Variants in GPSM2 observed in about 807,000 individuals in gnomAD.
GPSM2 encodes the protein G protein-signaling modulator 2.
GPSM2 carries 58 observed loss-of-function variants against 78.4 expected under a neutral mutation model. That is an observed-to-expected ratio of 0.74 (90% CI 0.60 to 0.92). The LOEUF is 0.92. GPSM2 is among the 40% of genes least tolerant of loss of function. GPSM2 has a pLI of 0.00. For synonymous variants in GPSM2, 224 were observed against 280.2 expected (o/e 0.80, Z 2.00); for missense variants, 700 against 815.5 (o/e 0.86, Z 1.73).
intron 7 of GPSM2, among the ~76,000 whole-genome samples, chr1:108,899,348 T>G (rs1046264036): frequency 6.6e-6 from 1 of 152,242 alleles, no homozygotes; most frequent in Non-Finnish European, 1.5e-5. Flanking sequence ...ATATGTGGTG[T>G]ATATTGTGTA....
In GPSM2 at chr1:108,898,057, A is replaced by G; in HGVS notation, c.513A>G (p.Pro171=). ...GTCCCCAGGATGTAGGAGAATTTCC[A>G]GAAGAAGTGAGAGATGCTCTGCAGG... The part of the protein sequence containing the change: ...CPGPQDVGEF[P]EEVRDALQAA... The change falls in exon 5 of 15, where the codon CCA becomes CCG. Residue 171 remains proline (P), a synonymous_variant. Transcript: ENST00000264126. 1 of 1,613,504 alleles carries G rather than the reference A, an allele frequency of 6.2e-7. No homozygotes were observed. The highest frequency in any genetic ancestry group is 8.5e-7 in the Non-Finnish European group (1 of 1,179,828).
intron 1 of GPSM2, among the ~76,000 whole-genome samples, chr1:108,880,309 T>C (rs1334603924): frequency 6.6e-6 from 1 of 152,160 alleles, no homozygotes; most frequent in Non-Finnish European, 1.5e-5. Flanking sequence ...TTAAAATGTG[T>C]TTGGGTCAGG....
chr1:108,913,469 G>A (rs1019655189), intron 10 of GPSM2, among the ~76,000 whole-genome samples: 5 of 152,170 alleles, frequency 3.3e-5, no homozygotes, highest in African/African-American at 4.8e-5. Flanking sequence ...CAACTTGGAT[G>A]AATCTCACAA....
chr1:108,883,490 T>C (rs1289156003), intron 1 of GPSM2, among the ~76,000 whole-genome samples: 2 of 152,246 alleles, frequency 1.3e-5, no homozygotes, highest in African/African-American at 4.8e-5. Context: ...GATTAGCTGC[T>C]TTATGACCTA....
Position 108,930,495 on chromosome 1 carries a change from T to A in GPSM2, c.*555T>A, listed in dbSNP as rs1445423137. On this transcript the variant is annotated 3_prime_UTR_variant, in exon 15 of 15. Coordinates refer to ENST00000264126, the MANE Select transcript of GPSM2 (RefSeq NM_013296.5). ...TTCTTGGGCTGGGCATGGTGGCTCA[T>A]TCCTGTAATCCCAGCACATTGGGAG... 1 of 152,878 alleles carries A rather than the reference T, an allele frequency of 6.5e-6. No homozygotes were observed. The highest frequency in any genetic ancestry group is 2.4e-5 in the African/African-American group (1 of 41,220). The allele number at this position is 152,878 out of a possible 1,614,324, so 9.5% of individuals were successfully genotyped here.
At chr1:108,908,107 C>T (rs1649389458) in intron 10 of GPSM2, among the ~76,000 whole-genome samples, 1 of 152,250 alleles carries the variant, frequency 6.6e-6, no homozygotes, top group Non-Finnish European at 1.5e-5. Flanking sequence ...CGCCATGGCT[C>T]ACGCCTGTAA....
rs1387159477 is a variant in GPSM2 at position 108,897,964 on chromosome 1, A to T, written c.420A>T (p.Gly140=). ...TTGCTGATGTCTTCATTTAGGTGGG[A>T]GAAGCAAGAGCACTTTACAATCTTG... is the stretch of plus-strand genomic sequence containing the variant. ...DISRELNDKV[G]EARALYNLGN... Residue 140 remains glycine (G), a synonymous_variant, in exon 5 of 15, where the codon GGA becomes GGT. Coordinates refer to ENST00000264126, the MANE Select transcript of GPSM2 (RefSeq NM_013296.5). 1 of 1,613,944 alleles carries T rather than the reference A, an allele frequency of 6.2e-7. No individual in the cohort carries two copies. Among genetic ancestry groups the T allele is most frequent in the Non-Finnish European group, 8.5e-7 (1 of 1,179,802 alleles).
intron 2 of GPSM2, among the ~76,000 whole-genome samples, chr1:108,893,587 A>G (rs1010509800): frequency 2.6e-5 from 4 of 152,234 alleles, no homozygotes; most frequent in African/African-American, 7.2e-5. Flanking sequence ...AATTTTTAAC[A>G]TAATTTAGAA....
chr1:108,913,407 T>C (rs1021972654), intron 10 of GPSM2, among the ~76,000 whole-genome samples: 1 of 152,160 alleles, frequency 6.6e-6, no homozygotes, highest in African/African-American at 2.4e-5. Flanking sequence ...CCAGTTATTA[T>C]AAAAAAGCCT....
intron 14 of GPSM2, 149 bp from the exon 15 acceptor site, chr1:108,929,552 A>G: frequency 1.4e-6 from 1 of 712,694 alleles, no homozygotes; most frequent in Non-Finnish European, 2.4e-6. Flanking sequence ...TGGGAACTAA[A>G]GAGAACAATA....
At chr1:108,907,667 C>T (rs1377889863) in intron 10 of GPSM2, among the ~76,000 whole-genome samples, 3 of 152,032 alleles carry the variant, frequency 2.0e-5, no homozygotes, top group African/African-American at 7.2e-5. Context: ...TTATTGAGTG[C>T]TTATGATATG....
At chr1:108,897,387 C>A in intron 3 of GPSM2, 105 bp from the exon 4 acceptor site, 1 of 1,094,750 alleles carries the variant, frequency 9.1e-7, no homozygotes, top group Non-Finnish European at 1.3e-6. Flanking sequence ...TTAAGCATGT[C>A]AGTTTGTCCT....
rs1470336954 is a variant in GPSM2, at chr1:108,918,691, A to G, written c.1342A>G (p.Asn448Asp). The G allele has an allele frequency of 1.2e-6, 2 of 1,613,464 alleles. No individual in the cohort carries two copies. Among genetic ancestry groups the G allele is most frequent in the African/African-American group, 1.3e-5 (1 of 75,036 alleles). Residue 448 changes from asparagine (N) to aspartate (D), a missense_variant, in exon 12 of 15, where the codon AAC (asparagine) becomes GAC (aspartate). By Grantham distance (23) the Asn-to-Asp change is conservative (BLOSUM62 1). Coordinates refer to ENST00000264126, the MANE Select transcript of GPSM2 (RefSeq NM_013296.5). ...ACCTTCTGCAAAGCTACTCTTTGTC[A>G]ACAGACTGAAGGGGAAAAAATACAA... ...AKPSAKLLFV[N>D]RLKGKKYKTN...
chr1:108,918,954 A>T (rs184977999), intron 12 of GPSM2, among the ~76,000 whole-genome samples, 165 bp downstream of exon 12: 1 of 152,116 alleles, frequency 6.6e-6, no homozygotes. Flanking sequence ...TAGAAATGGT[A>T]ATTACTGTCT....
chr1:108,883,562 G>T (rs916211183), intron 1 of GPSM2, among the ~76,000 whole-genome samples: 2 of 152,176 alleles, frequency 1.3e-5, no homozygotes, highest in Admixed American at 1.3e-4. Flanking sequence ...ATAACACTGA[G>T]ATTCCAGGAC....
At chr1:108,911,224 C>A (rs1445044795) in intron 10 of GPSM2, among the ~76,000 whole-genome samples, 1 of 152,078 alleles carries the variant, frequency 6.6e-6, no homozygotes, top group African/African-American at 2.4e-5. Flanking sequence ...GGCAAAGGGT[C>A]TTACTAGAAA....
At chr1:108,886,256 C>T (rs535746083) in intron 2 of GPSM2, among the ~76,000 whole-genome samples, 31 of 152,170 alleles carry the variant, frequency 2.0e-4, no homozygotes, top group Non-Finnish European at 4.4e-4. Context: ...TAAATATGTA[C>T]CTAATCCACA....
intron 2 of GPSM2, among the ~76,000 whole-genome samples, chr1:108,896,645 C>T (rs916550276): frequency 1.3e-5 from 2 of 152,154 alleles, no homozygotes; most frequent in Non-Finnish European, 2.9e-5. Flanking sequence ...ATTTAGCTAT[C>T]CTGACCTCTC....
chr1:108,918,915 T>C, intron 12 of GPSM2, 126 bp downstream of exon 12: 1 of 686,606 alleles, frequency 1.5e-6, no homozygotes, highest in Non-Finnish European at 2.6e-6. Flanking sequence ...GTATTCATAT[T>C]TCCCTATCTT....
Sources: gnomAD v4.1 joint callset for allele counts (sites outside exome capture counted in the v4.1 genomes callset) on GRCh38, gnomAD v4.1.1 for gene constraint, MANE v1.5 for transcripts, NCBI Gene and HGNC (gene_info 2026-07-23, HGNC 2026-07-21) for gene names.